Variants in TERF2 observed in about 807,000 individuals in gnomAD.
TERF2 encodes the protein telomeric repeat-binding factor 2.
In TERF2, 16 loss-of-function variants were observed where a neutral mutation model predicts 56.1. The observed-to-expected ratio is 0.29, with a 90% CI of 0.19 to 0.43. The LOEUF (loss-of-function observed/expected upper bound fraction) is 0.43. Ranked by LOEUF, TERF2 falls within the 20% of genes least tolerant of loss-of-function variation. The pLI, the probability that TERF2 is intolerant of heterozygous loss-of-function variation, is 1.00. For missense variants in TERF2, 547 were observed against 712.9 expected (o/e 0.77, Z 2.65); for synonymous variants, 296 against 282.1 (o/e 1.05, Z -0.50).
At chr16:69,358,385 A>C (rs1447663957) in intron 8 of TERF2, among the ~76,000 whole-genome samples, 1 of 152,118 alleles carries the variant, frequency 6.6e-6, no homozygotes, top group African/African-American at 2.4e-5. Flanking sequence ...TGACCTAGTG[A>C]TCCACCCACC....
rs1567440759 is a variant in TERF2 at position 69,356,188 on chromosome 16, T to C, written c.*710A>G. 1 of 455,558 alleles carries C rather than the reference T, an allele frequency of 2.2e-6. No homozygotes were observed. 28.2% of individuals were successfully genotyped at this position (455,558 alleles called of 1,614,324 possible). A position where few individuals can be genotyped will look rare whatever the true frequency, so the allele number is the denominator to read the frequency against. ...AGGCCAGAACTTGACGTGGAACAAA[T>C]TTACTCCAAATAATACTCACATTGC... On this transcript the variant is annotated 3_prime_UTR_variant, in exon 10 of 10. Coordinates refer to ENST00000254942, the MANE Select transcript of TERF2 (RefSeq NM_005652.5).
intron 6 of TERF2, 32 bp downstream of exon 6, chr16:69,368,344 T>C: frequency 6.2e-7 from 1 of 1,607,054 alleles, no homozygotes; most frequent in Non-Finnish European, 8.5e-7. Context: ...CCCTAGTGTT[T>C]TACCCAAGAT....
chr16:69,355,815 G>T lies in TERF2; in HGVS notation c.*1083C>A. 1 of 163,490 alleles carries T rather than the reference G, an allele frequency of 6.1e-6. No homozygotes were observed. The highest frequency in any genetic ancestry group is 1.8e-4 in the East Asian group (1 of 5,544). 10.1% of individuals were successfully genotyped at this position (163,490 alleles called of 1,614,324 possible). The stretch of plus-strand genomic sequence containing the variant: ...AGGAAGCAACCATTTCACAAAGAAT[G>T]AAATTAGGCATTTATATTCAATCGG... On this transcript the variant is annotated 3_prime_UTR_variant, in exon 10 of 10. Coordinates refer to ENST00000254942, the MANE Select transcript of TERF2 (RefSeq NM_005652.5).
chr16:69,369,970 G>A (rs1298054407), intron 5 of TERF2, among the ~76,000 whole-genome samples: 2 of 152,158 alleles, frequency 1.3e-5, no homozygotes, highest in Non-Finnish European at 2.9e-5. Flanking sequence ...GATAAAAATG[G>A]CAGATGAGGG....
intron 3 of TERF2, among the ~76,000 whole-genome samples, chr16:69,375,863 T>C (rs550725813): frequency 6.6e-6 from 1 of 152,312 alleles, no homozygotes; most frequent in South Asian, 2.1e-4. Context: ...TGTAATTTTT[T>C]TTTACCATCT....
chr16:69,359,855 G>A (rs931349617), intron 8 of TERF2, among the ~76,000 whole-genome samples: 2 of 151,632 alleles, frequency 1.3e-5, no homozygotes, highest in African/African-American at 4.8e-5. Context: ...TTCTGACCTT[G>A]TGATCCGCCT....
At chr16:69,377,669 C>A (rs995260086) in intron 3 of TERF2, among the ~76,000 whole-genome samples, 1 of 152,238 alleles carries the variant, frequency 6.6e-6, no homozygotes, top group Middle Eastern at 3.4e-3. Context: ...TAGACTTACA[C>A]GTATTTCTTT....
Position 69,385,892 on chromosome 16 carries a change from T to C in TERF2, c.80A>G (p.Lys27Arg), listed in dbSNP as rs1422468080. 1.5e-6 allele frequency: 2 copies of C among 1,377,532 alleles called. No homozygotes were observed. Among genetic ancestry groups the C allele is most frequent in the South Asian group, 1.6e-5 (1 of 62,376 alleles). The allele number at this position is 1,377,532 out of a possible 1,614,324, so 85.3% of individuals were successfully genotyped here. A position where few individuals can be genotyped will look rare whatever the true frequency, so the allele number is the denominator to read the frequency against. The stretch of plus-strand genomic sequence containing the variant: ...CTCCCCGCCCTCCCGGCCGGGCCGC[T>C]TCCTCGGCTGTGACGCCGCTGGGTC... Reference protein sequence around the residue: ...VRDPAASQPRKRPGREGGEGA... With the variant: ...VRDPAASQPRRRPGREGGEGA... Residue 27 changes from lysine (K) to arginine (R), a missense_variant, in exon 1 of 10, where the codon AAG (lysine) becomes AGG (arginine). Coordinates refer to ENST00000254942, the MANE Select transcript of TERF2 (RefSeq NM_005652.5).
intron 6 of TERF2, among the ~76,000 whole-genome samples, chr16:69,367,653 T>C (rs2013402912): frequency 6.6e-6 from 1 of 152,138 alleles, no homozygotes; most frequent in South Asian, 2.1e-4. Context: ...ATAAAGTTCA[T>C]CTATCATTTG....
intron 8 of TERF2, 162 bp from the exon 9 acceptor site, chr16:69,357,723 T>C (rs2012957245): frequency 3.2e-6 from 1 of 310,528 alleles, no homozygotes. Flanking sequence ...TTCTCCTTTA[T>C]TTGCAAACAC....
intron 3 of TERF2, among the ~76,000 whole-genome samples, chr16:69,375,941 C>G (rs2013762218): frequency 6.6e-6 from 1 of 152,018 alleles, no homozygotes; most frequent in Non-Finnish European, 1.5e-5. Flanking sequence ...CTTTTGAGAG[C>G]TCTTCATATA....
intron 3 of TERF2, among the ~76,000 whole-genome samples, chr16:69,373,568 T>G (rs2013655294): frequency 6.6e-6 from 1 of 152,146 alleles, no homozygotes; most frequent in Admixed American, 6.5e-5. Context: ...CTTACAACTG[T>G]ACAACTGTAT....
chr16:69,369,978 G>C (rs922526686), intron 5 of TERF2, among the ~76,000 whole-genome samples: 19 of 152,214 alleles, frequency 1.2e-4, no homozygotes, highest in Non-Finnish European at 2.6e-4. Flanking sequence ...TGGCAGATGA[G>C]GGAGACCAGG....
chr16:69,367,988 G>A (rs60366638), intron 6 of TERF2, among the ~76,000 whole-genome samples: 2,326 of 152,218 alleles, frequency 0.015, 59 homozygotes, highest in African/African-American at 0.054. Context: ...TTTCCTAACC[G>A]GCCCTCAAAG....
At chr16:69,379,860 G>A (rs2013930585) in intron 3 of TERF2, among the ~76,000 whole-genome samples, 2 of 152,062 alleles carry the variant, frequency 1.3e-5, no homozygotes, top group Admixed American at 1.3e-4. Context: ...GACGATAGCT[G>A]GATGCTCATA....
intron 8 of TERF2, among the ~76,000 whole-genome samples, chr16:69,360,848 C>CAT (rs1159610183): frequency 6.6e-6 from 1 of 151,542 alleles, no homozygotes; most frequent in Non-Finnish European, 1.5e-5. Flanking sequence ...AATTAAATAT[C>CAT]ATAGGCGTTA....
chr16:69,373,932 T>C (rs2013671546), intron 3 of TERF2, among the ~76,000 whole-genome samples: 1 of 152,160 alleles, frequency 6.6e-6, no homozygotes, highest in Non-Finnish European at 1.5e-5. Context: ...AGCAAGGAAA[T>C]TCATTAAGTA....
chr16:69,371,865 C>G (rs535723227), intron 4 of TERF2, among the ~76,000 whole-genome samples: 1 of 152,184 alleles, frequency 6.6e-6, no homozygotes, highest in Non-Finnish European at 1.5e-5. Context: ...AAAATAAAAG[C>G]AGGGGACCAA....
chr16:69,366,703 T>C (rs1027002880), intron 7 of TERF2, 104 bp downstream of exon 7: 5 of 1,401,040 alleles, frequency 3.6e-6, no homozygotes, highest in Non-Finnish European at 4.8e-6. Flanking sequence ...CAAGCCTTGG[T>C]GGTGAGTAAC....
Sources: allele counts gnomAD v4.1 joint callset (sites outside exome capture counted in the v4.1 genomes callset), GRCh38; gene constraint gnomAD v4.1.1; transcripts MANE v1.5; gene names NCBI Gene and HGNC (gene_info 2026-07-23, HGNC 2026-07-21).